The following UHRF2 variants were observed in gnomAD, a reference collection of about 807,000 sequenced individuals.
The protein encoded by UHRF2 is ubiquitin like with PHD and ring finger domains 2.
A neutral mutation model predicts 96.8 loss-of-function variants in UHRF2; 23 were observed. The observed-to-expected ratio is 0.24, with a 90% CI of 0.17 to 0.34. The LOEUF is 0.34. Among genes scored for constraint, UHRF2 ranks in the 10% least tolerant of loss-of-function variants. The probability of loss-of-function intolerance (pLI) is 1.00; values close to 1 mark genes in which losing one functional copy is unlikely to be tolerated. For missense variants in UHRF2, 685 were observed against 981.5 expected (o/e 0.70, Z 4.04); for synonymous variants, 385 against 332.6 (o/e 1.16, Z -1.72).
At chr9:6,477,595 G>A in intron 5 of UHRF2, 27 bp from the exon 6 acceptor site, 1 of 1,564,086 alleles carries the variant, frequency 6.4e-7, no homozygotes, top group Non-Finnish European at 8.7e-7. Context: ...TTTAAGACTA[G>A]ACTTGCTATA....
chr9:6,437,124 T>A (rs1820897075), intron 3 of UHRF2, among the ~76,000 whole-genome samples: 1 of 152,236 alleles, frequency 6.6e-6, no homozygotes, highest in African/African-American at 2.4e-5. Flanking sequence ...TAAAATATAA[T>A]GAAGTACATG....
chr9:6,423,716 C>A (rs1425565586), intron 2 of UHRF2, among the ~76,000 whole-genome samples: 1 of 149,964 alleles, frequency 6.7e-6, no homozygotes, highest in East Asian at 1.9e-4. Context: ...GAGGCCGAGG[C>A]GGGTGGATCA....
Position 6,456,650 on chromosome 9 carries a change from G to T in UHRF2, c.645-3923G>T, listed in dbSNP as rs549829611. Reference sequence around the variant, plus strand: ...GGTATTGCTTAGGTTTTATTCTAGGGTTTTTATGGTTTTAGGTCTTACGTT... The same window carrying T: ...GGTATTGCTTAGGTTTTATTCTAGGTTTTTTATGGTTTTAGGTCTTACGTT... On this transcript the variant is annotated intron_variant, in intron 3 of 15. Transcript: ENST00000276893. Among the ~76,000 whole-genome samples, 3 of 152,206 alleles carry T rather than the reference G, an allele frequency of 2.0e-5. No homozygotes were observed. The East Asian group carries it at 5.8e-4, about 29-fold the overall frequency.
At chr9:6,436,308 G>A (rs1321125338) in intron 3 of UHRF2, among the ~76,000 whole-genome samples, 2 of 152,112 alleles carry the variant, frequency 1.3e-5, no homozygotes, top group Non-Finnish European at 2.9e-5. Flanking sequence ...CTGCTTACTT[G>A]ACATGATAGA....
At chr9:6,417,114 G>A (rs1819652084) in intron 1 of UHRF2, among the ~76,000 whole-genome samples, 1 of 152,026 alleles carries the variant, frequency 6.6e-6, no homozygotes. Flanking sequence ...GCCCTTCACT[G>A]GCATCCCTAG....
At chr9:6,456,714 G>A (rs1242178809) in intron 3 of UHRF2, among the ~76,000 whole-genome samples, 1 of 152,178 alleles carries the variant, frequency 6.6e-6, no homozygotes, top group Non-Finnish European at 1.5e-5. Flanking sequence ...TTTATATAAG[G>A]TGTAAGGAAA....
intron 4 of UHRF2, among the ~76,000 whole-genome samples, chr9:6,471,714 C>T (rs1823249820): frequency 6.6e-6 from 1 of 152,134 alleles, no homozygotes; most frequent in Admixed American, 6.5e-5. Flanking sequence ...AGATTCCTGA[C>T]CCACCCCCAT....
intron 3 of UHRF2, among the ~76,000 whole-genome samples, chr9:6,442,716 T>G (rs1821248866): frequency 1.3e-5 from 2 of 151,664 alleles, no homozygotes; most frequent in South Asian, 2.1e-4. Context: ...GGTCTCGAAC[T>G]CCAGGCTCAA....
intron 3 of UHRF2, among the ~76,000 whole-genome samples, chr9:6,444,972 T>G (rs2130799853): frequency 6.6e-6 from 1 of 152,056 alleles, no homozygotes; most frequent in South Asian, 2.1e-4. Flanking sequence ...TGTCACAGGC[T>G]ACATAGTTTA....
In UHRF2 at chr9:6,506,296, T is replaced by C; in HGVS notation, c.*117T>C. The C allele has an allele frequency of 7.4e-7, 1 of 1,344,820 alleles. No individual in the cohort carries two copies. Among genetic ancestry groups the C allele is most frequent in the South Asian group, 1.5e-5 (1 of 68,452 alleles). The allele number at this position is 1,344,820 out of a possible 1,614,324, so 83.3% of individuals were successfully genotyped here. ...ATCTCTCACGTTCTGAAGCAGCTAA[T>C]CCTCTTTCCCACATAGCCATCATCT... is the stretch of plus-strand genomic sequence containing the variant. On this transcript the variant is annotated 3_prime_UTR_variant, in exon 16 of 16. Coordinates refer to ENST00000276893, the MANE Select transcript of UHRF2 (RefSeq NM_152896.3).
At chr9:6,482,909 G>A (rs1420507877) in intron 8 of UHRF2, among the ~76,000 whole-genome samples, 2 of 152,038 alleles carry the variant, frequency 1.3e-5, no homozygotes, top group African/African-American at 4.8e-5. Context: ...ATATTGAATG[G>A]CCCTGGTACT....
At chr9:6,476,814 C>T (rs532285977) in intron 5 of UHRF2, among the ~76,000 whole-genome samples, 79 of 152,198 alleles carry the variant, frequency 5.2e-4, no homozygotes, top group African/African-American at 1.5e-3. Context: ...AGGTTGGTCT[C>T]GAACTCCTGA....
chr9:6,485,724 G>A (rs1824233598), intron 8 of UHRF2, among the ~76,000 whole-genome samples: 1 of 148,162 alleles, frequency 6.7e-6, no homozygotes, highest in African/African-American at 2.5e-5. Flanking sequence ...AACACTATTG[G>A]GGGCTGAGGC....
At chr9:6,503,229 C>G (rs1410971985) in intron 14 of UHRF2, among the ~76,000 whole-genome samples, 1 of 152,180 alleles carries the variant, frequency 6.6e-6, no homozygotes, top group Non-Finnish European at 1.5e-5. Flanking sequence ...CTCCTGACCT[C>G]AAATGATCCA....
intron 4 of UHRF2, among the ~76,000 whole-genome samples, chr9:6,466,768 T>C (rs1822885159): frequency 6.6e-6 from 1 of 152,222 alleles, no homozygotes; most frequent in Non-Finnish European, 1.5e-5. Flanking sequence ...CTCCTTGTGT[T>C]GCTTGATCAC....
chr9:6,418,233 C>T (rs186864024), intron 1 of UHRF2, among the ~76,000 whole-genome samples: 1 of 146,298 alleles, frequency 6.8e-6, no homozygotes, highest in African/African-American at 2.5e-5. Context: ...TTTCCCTCCA[C>T]GGGAGTTCAA....
chr9:6,501,663 T>G (rs1329149421), intron 14 of UHRF2, among the ~76,000 whole-genome samples: 1 of 152,212 alleles, frequency 6.6e-6, no homozygotes, highest in Admixed American at 6.6e-5. Context: ...AAAATGAAGC[T>G]TACATGTTTA....
chr9:6,449,749 G>C (rs930132285), intron 3 of UHRF2, among the ~76,000 whole-genome samples: 12 of 152,130 alleles, frequency 7.9e-5, no homozygotes, highest in African/African-American at 2.9e-4. Context: ...ACTTGCTTCT[G>C]GGAGTCTGGA....
At chr9:6,463,143 C>T (rs142039669) in intron 4 of UHRF2, among the ~76,000 whole-genome samples, 5 of 151,824 alleles carry the variant, frequency 3.3e-5, no homozygotes, top group Non-Finnish European at 7.4e-5. Flanking sequence ...TAGCTGGGTG[C>T]GGTGTTGCAT....
Sources: gnomAD v4.1 joint callset for allele counts (sites outside exome capture counted in the v4.1 genomes callset) on GRCh38, gnomAD v4.1.1 for gene constraint, MANE v1.5 for transcripts, NCBI Gene and HGNC (gene_info 2026-07-23, HGNC 2026-07-21) for gene names.